RSPH3: variants seen among roughly 807,000 people sequenced by gnomAD.
RSPH3 encodes the protein radial spoke head protein 3 homolog.
Under a neutral mutation model 43.8 loss-of-function variants are expected in RSPH3, and 21 were observed. The ratio of observed to expected loss-of-function variants is 0.48; its 90% CI spans 0.34 to 0.69. The LOEUF is 0.69. Ranked by LOEUF, RSPH3 falls within the 30% of genes least tolerant of loss-of-function variation. RSPH3 has a pLI of 0.01. For synonymous variants in RSPH3, 173 were observed against 179.8 expected (o/e 0.96, Z 0.30); for missense variants, 487 against 516.0 (o/e 0.94, Z 0.54).
intron 7 of RSPH3, 135 bp from the exon 8 acceptor site, chr6:158,977,983 G>A (rs1305802141): frequency 1.4e-6 from 1 of 726,322 alleles, no homozygotes; most frequent in Non-Finnish European, 2.2e-6. Context: ...AACCTTTTTT[G>A]GAAGTCAGCA....
At chr6:158,983,566 T>C (rs1778111190) in intron 4 of RSPH3, 96 bp downstream of exon 4, 1 of 881,436 alleles carries the variant, frequency 1.1e-6, no homozygotes, top group Non-Finnish European at 1.9e-6. Context: ...TAGAATCTGA[T>C]TGTGAAGTGG....
intron 2 of RSPH3, among the ~76,000 whole-genome samples, chr6:158,993,299 G>A (rs894822333): frequency 3.3e-5 from 5 of 152,032 alleles, no homozygotes; most frequent in Non-Finnish European, 4.4e-5. Context: ...TGTACTTTTA[G>A]TAGAGACGGG....
Position 158,974,957 on chromosome 6 carries a change from C to A in RSPH3, c.*2581G>T, listed in dbSNP as rs886532921. 6.6e-6 allele frequency: 1 copy of A among 152,400 alleles called. No individual in the cohort carries two copies. The allele number at this position is 152,400 out of a possible 1,614,324, so 9.4% of individuals were successfully genotyped here. A position where few individuals can be genotyped will look rare whatever the true frequency, so the allele number is the denominator to read the frequency against. On this transcript the variant is annotated 3_prime_UTR_variant, in exon 8 of 8. Coordinates refer to ENST00000367069, the MANE Select transcript of RSPH3 (RefSeq NM_031924.8). ...CCGTGTTCAAGCGATTCTCCTGCCT[C>A]GGCCTCCTGAGTAGCTGGGACTACA...
At chr6:158,967,409 C>G in the RSPH3 span, among the ~76,000 whole-genome samples, 2 of 152,060 alleles carry the variant, frequency 1.3e-5, no homozygotes, top group Middle Eastern at 3.2e-3. Flanking sequence ...GTGAATTTCC[C>G]AAACTTCTTT....
At position 158,989,334 on chromosome 6, in the gene RSPH3, A is replaced by G. The variant is rs1480832881; in HGVS notation, c.205-2913T>C. Among the ~76,000 whole-genome samples the G allele has an allele frequency of 6.6e-6, 1 of 152,132 alleles. No homozygotes were observed. Among genetic ancestry groups the G allele is most frequent in the Non-Finnish European group, 1.5e-5 (1 of 68,018 alleles). On this transcript the variant is annotated intron_variant, in intron 2 of 7. Coordinates refer to ENST00000367069, the MANE Select transcript of RSPH3 (RefSeq NM_031924.8). The surrounding 1 kb of genome is among the most constrained non-coding windows in gnomAD (Gnocchi z 4.3). ...AGTGCTGGGATTACAGGCATGAGAC[A>G]CTGCGCCCCGACAGAGATCCTTTAT...
intron 1 of RSPH3, among the ~76,000 whole-genome samples, chr6:158,998,377 GA>G (rs1366227240): frequency 1.3e-5 from 2 of 148,476 alleles, no homozygotes. Context: ...GCTGAGGCAG[GA>G]GAATGGCGTG....
the RSPH3 span, among the ~76,000 whole-genome samples, chr6:158,966,736 T>C: frequency 2.0e-5 from 3 of 151,980 alleles, no homozygotes; most frequent in African/African-American, 7.3e-5. Flanking sequence ...TTTGGGTTTG[T>C]CAATTTTGTT....
rs540454135 is a variant in RSPH3 at position 158,979,738 on chromosome 6, A to G, written c.859+1036T>C. 8.3e-4 allele frequency among the ~76,000 whole-genome samples: 126 copies of G among 152,336 alleles called. 1 individual carries two copies. Among genetic ancestry groups the G allele is most frequent in the Non-Finnish European group, 7.6e-4 (52 of 68,032 alleles). On this transcript the variant is annotated intron_variant, in intron 6 of 7. Coordinates refer to ENST00000367069, the MANE Select transcript of RSPH3 (RefSeq NM_031924.8). ...AATTATCATTACTAACATGTGTCCCAAGATACTACTGGCCAACAAAATAGG... is the reference window on the plus strand; with the variant it reads ...AATTATCATTACTAACATGTGTCCCGAGATACTACTGGCCAACAAAATAGG...
In RSPH3 at chr6:158,999,654, G is replaced by T. The variant is rs1459418016; in HGVS notation, c.-104C>A. On this transcript the variant is annotated 5_prime_UTR_variant, in exon 1 of 8. Transcript: ENST00000367069. ...GAGATGTAAGTAGTGCCAAGGGCAA[G>T]GATTCCGCGACGCGAGGAGAGGCGA... 3.1e-6 allele frequency: 5 copies of T among 1,614,168 alleles called. No homozygotes were observed. Among genetic ancestry groups the T allele is most frequent in the Non-Finnish European group, 4.2e-6 (5 of 1,180,006 alleles).
chr6:158,997,271 C>CTTTTTTTTTTTT (rs35951023), intron 1 of RSPH3, among the ~76,000 whole-genome samples: 1 of 129,102 alleles, frequency 7.7e-6, no homozygotes, highest in Non-Finnish European at 1.6e-5. Flanking sequence ...CTCCTGAACA[C>CTTTTTTTTTTTT]TTTTTTTTTT....
Position 158,977,227 on chromosome 6 carries a change from C to A in RSPH3, c.*311G>T. 3.6e-6 allele frequency: 1 copy of A among 277,828 alleles called. No individual in the cohort carries two copies. The allele number at this position is 277,828 out of a possible 1,614,324, so 17.2% of individuals were successfully genotyped here. A position where few individuals can be genotyped will look rare whatever the true frequency, so the allele number is the denominator to read the frequency against. On this transcript the variant is annotated 3_prime_UTR_variant, in exon 8 of 8. Transcript: ENST00000367069. ...TCATACTTACTAAAAAAAACTAACC[C>A]GCAAAATTAGAAGGGCTAAGGAAAA...
intron 3 of RSPH3, among the ~76,000 whole-genome samples, chr6:158,985,814 CTCTTT>C (rs1005945183): frequency 1.5e-4 from 22 of 146,882 alleles, no homozygotes; most frequent in African/African-American, 5.4e-4. Flanking sequence ...CTCTCTCTCT[CTCTTT>C]TTTTTTTTTT....
chr6:158,986,491 A>T, intron 2 of RSPH3, 70 bp from the exon 3 acceptor site: 2 of 1,309,400 alleles, frequency 1.5e-6, no homozygotes, highest in Non-Finnish European at 2.1e-6. Context: ...CTGCCATTCC[A>T]AAAGCAATTC....
chr6:158,978,116 G>A (rs1409049963), intron 7 of RSPH3, 144 bp downstream of exon 7: 3 of 641,840 alleles, frequency 4.7e-6, no homozygotes, highest in Admixed American at 6.1e-5. Flanking sequence ...TAATATTGAG[G>A]GTAAAAATTT....
In RSPH3 at chr6:158,976,224, C is replaced by G. The variant is rs1391102701; in HGVS notation, c.*1314G>C. ...AAATAAGTAAAAAGAAAAATAGGCT[C>G]TATTTATCTAAAGGCTCTGAAGACT... On this transcript the variant is annotated 3_prime_UTR_variant, in exon 8 of 8. Transcript: ENST00000367069. 6.6e-6 allele frequency: 1 copy of G among 152,018 alleles called. No individual in the cohort carries two copies. Among genetic ancestry groups the G allele is most frequent in the Non-Finnish European group, 1.5e-5 (1 of 67,990 alleles). The allele number at this position is 152,018 out of a possible 1,614,324, so 9.4% of individuals were successfully genotyped here.
downstream of RSPH3, among the ~76,000 whole-genome samples, chr6:158,971,728 T>G (rs1440194762): frequency 6.6e-6 from 1 of 152,180 alleles, no homozygotes; most frequent in Admixed American, 6.5e-5. Context: ...CTTCGTGACA[T>G]TGCAGCTGCT....
chr6:158,984,975 T>G (rs558528555), intron 3 of RSPH3, among the ~76,000 whole-genome samples: 4 of 152,212 alleles, frequency 2.6e-5, no homozygotes, highest in Non-Finnish European at 4.4e-5. Context: ...GAATGGTCCC[T>G]TTTGCCTTTA....
rs367790514 is a variant in RSPH3, at chr6:158,977,791, G to T, written c.1004C>A (p.Thr335Lys). 6.2e-7 allele frequency: 1 copy of T among 1,614,118 alleles called. No homozygotes were observed. The highest frequency in any genetic ancestry group is 1.7e-5 in the Admixed American group (1 of 60,012). ...RLCMYEHGED[T>K]HQSPEPEDEP... ...ATCCTCGGGTTCTGGAGACTGATGT[G>T]TGTCTTCCCCATGCTCATACATACA... Residue 335 changes from threonine (T) to lysine (K), a missense_variant, in exon 8 of 8, where the codon ACA becomes AAA. Thr to Lys is a moderately conservative substitution (Grantham distance 78). Coordinates refer to ENST00000367069, the MANE Select transcript of RSPH3 (RefSeq NM_031924.8).
the RSPH3 span, among the ~76,000 whole-genome samples, chr6:158,967,165 C>T: frequency 2.7e-3 from 409 of 152,048 alleles, 2 homozygotes; most frequent in African/African-American, 9.5e-3. Context: ...CATGTACCAC[C>T]ATGCCTGGCT....
Sources: allele counts gnomAD v4.1 joint callset (sites outside exome capture counted in the v4.1 genomes callset), GRCh38; gene constraint gnomAD v4.1.1; non-coding constraint Gnocchi (gnomAD v3.1); transcripts MANE v1.5; gene names NCBI Gene and HGNC (gene_info 2026-07-23, HGNC 2026-07-21).